GPR141: variants seen among roughly 807,000 people sequenced by gnomAD.
GPR141 encodes probable G protein-coupled receptor 141.
In GPR141, 6 loss-of-function variants were observed where a neutral mutation model predicts 6.8. The ratio of observed to expected loss-of-function variants is 0.88; its 90% CI spans 0.48 to 1.74. GPR141 has a LOEUF of 1.74. GPR141 is among the 40% of genes most tolerant of loss of function. GPR141 has a pLI of 0.01. For synonymous variants in GPR141, 140 were observed against 142.3 expected, an observed-to-expected ratio of 0.98 and a Z score of 0.11; for missense variants, 372 against 372.9, an observed-to-expected ratio of 1.00 and a Z score of 0.02.
chr7:37,705,799 T>C (rs546998155), intron 2 of GPR141, among the ~76,000 whole-genome samples: 1 of 152,278 alleles, frequency 6.6e-6, no homozygotes, highest in African/African-American at 2.4e-5. Flanking sequence ...TGTCACTATT[T>C]TGCAAAAGCT....
Position 37,741,324 on chromosome 7 carries a change from G to T in GPR141, c.*13G>T. On this transcript the variant is annotated 3_prime_UTR_variant, in exon 3 of 3. Transcript: ENST00000334425. ...TTTGTGCCGTTAGCCACAAACTACAGTATTCATATTTGCTTCCTTTATATT... is the reference window on the plus strand; with the variant it reads ...TTTGTGCCGTTAGCCACAAACTACATTATTCATATTTGCTTCCTTTATATT... 1 of 1,544,800 alleles carries T rather than the reference G, an allele frequency of 6.5e-7. No homozygotes were observed. The highest frequency in any genetic ancestry group is 8.8e-7 in the Non-Finnish European group (1 of 1,141,314).
chr7:37,725,260 C>T (rs550356944), intron 2 of GPR141, among the ~76,000 whole-genome samples: 2 of 152,200 alleles, frequency 1.3e-5, no homozygotes, highest in East Asian at 3.9e-4. Context: ...AGGGCTGGTT[C>T]CTTGTATTGA....
rs370663553 is a variant in GPR141 at position 37,697,667 on chromosome 7, G to C, written c.-15+12084G>C. Among the ~76,000 whole-genome samples the C allele has an allele frequency of 1.2e-4, 18 of 152,122 alleles. No individual in the cohort carries two copies. In the East Asian group the frequency reaches 3.1e-3, roughly 26 times the overall value. On this transcript the variant is annotated intron_variant, in intron 2 of 2. Transcript: ENST00000334425. ...AGTCTCAATGTACAAATGGCATTTG[G>C]ATAAACAACAAGAAAATTGACACTC...
chr7:37,696,766 G>A (rs1055673938), intron 2 of GPR141, among the ~76,000 whole-genome samples: 2 of 151,854 alleles, frequency 1.3e-5, no homozygotes, highest in Non-Finnish European at 2.9e-5. Context: ...TAAAATTTTG[G>A]CATGAGATGC....
rs756959720 is a variant in GPR141, at chr7:37,740,378, A to T, written c.-14-2A>T. 1 of 1,564,000 alleles carries T rather than the reference A, an allele frequency of 6.4e-7. No homozygotes were observed. Among genetic ancestry groups the T allele is most frequent in the Admixed American group, 1.8e-5 (1 of 56,214 alleles). On this transcript the variant is annotated splice_acceptor_variant, in intron 2 of 2. Coordinates refer to ENST00000334425, the MANE Select transcript of GPR141 (RefSeq NM_001381946.1). LOFTEE classifies it low-confidence loss of function (5UTR_SPLICE). Reference sequence around the variant, plus strand: ...GTTACTCTGGTGCTTTTTCTCCTCCAGGTGACTTCCCAAGTATGCCTGGCC... The same window carrying T: ...GTTACTCTGGTGCTTTTTCTCCTCCTGGTGACTTCCCAAGTATGCCTGGCC...
intron 2 of GPR141, among the ~76,000 whole-genome samples, chr7:37,709,511 T>G (rs1376955222): frequency 1.3e-5 from 2 of 152,202 alleles, no homozygotes; most frequent in Non-Finnish European, 2.9e-5. Flanking sequence ...AGAGCATGAT[T>G]GCTATTAGTG....
At chr7:37,734,153 A>G (rs1812121701) in intron 2 of GPR141, among the ~76,000 whole-genome samples, 1 of 152,232 alleles carries the variant, frequency 6.6e-6, no homozygotes, top group South Asian at 2.1e-4. Context: ...AGCCTGGGCA[A>G]CAGAACAAGA....
At chr7:37,721,391 C>CCTT (rs1455087636) in intron 2 of GPR141, among the ~76,000 whole-genome samples, 3 of 152,166 alleles carry the variant, frequency 2.0e-5, no homozygotes, top group Admixed American at 2.0e-4. Flanking sequence ...CATTATGCTA[C>CCTT]AATAGATGTG....
intron 2 of GPR141, among the ~76,000 whole-genome samples, chr7:37,721,172 T>A (rs1364143062): frequency 6.6e-6 from 1 of 152,076 alleles, no homozygotes; most frequent in Non-Finnish European, 1.5e-5. Flanking sequence ...ACAGCCTGGG[T>A]CTCCAATTTC....
chr7:37,693,501 T>C (rs1809877547), intron 2 of GPR141, among the ~76,000 whole-genome samples: 1 of 152,152 alleles, frequency 6.6e-6, no homozygotes, highest in African/African-American at 2.4e-5. Flanking sequence ...AGGAGTCACA[T>C]ACGGCTGTGT....
chr7:37,741,336 G>T lies in GPR141; in HGVS notation c.*25G>T. 1 of 1,504,644 alleles carries T rather than the reference G, an allele frequency of 6.6e-7. No individual in the cohort carries two copies. The highest frequency in any genetic ancestry group is 9.0e-7 in the Non-Finnish European group (1 of 1,112,386). The allele number at this position is 1,504,644 out of a possible 1,614,324, so 93.2% of individuals were successfully genotyped here. On this transcript the variant is annotated 3_prime_UTR_variant, in exon 3 of 3. Coordinates refer to ENST00000334425, the MANE Select transcript of GPR141 (RefSeq NM_001381946.1). ...GCCACAAACTACAGTATTCATATTT[G>T]CTTCCTTTATATTGGGAATAAAAAT...
chr7:37,712,887 G>C (rs1253835053), intron 2 of GPR141, among the ~76,000 whole-genome samples: 2 of 152,128 alleles, frequency 1.3e-5, no homozygotes, highest in African/African-American at 4.8e-5. Flanking sequence ...TTCCATGTCT[G>C]GTGTCTGCTG....
At chr7:37,703,732 G>A (rs1583535360) in intron 2 of GPR141, among the ~76,000 whole-genome samples, 2 of 152,264 alleles carry the variant, frequency 1.3e-5, no homozygotes, top group East Asian at 3.9e-4. Context: ...ATTGCAAGAT[G>A]AAATATGTGT....
chr7:37,733,610 T>G (rs1013057817), intron 2 of GPR141, among the ~76,000 whole-genome samples: 3 of 143,068 alleles, frequency 2.1e-5, no homozygotes, highest in Non-Finnish European at 3.0e-5. Flanking sequence ...AGGCGGAGGT[T>G]GCGGTGAGCC....
chr7:37,733,492 T>C (rs1470244856), intron 2 of GPR141, among the ~76,000 whole-genome samples: 1 of 151,662 alleles, frequency 6.6e-6, no homozygotes, highest in Non-Finnish European at 1.5e-5. Context: ...GACAAAATGG[T>C]GAAACTCCGT....
intron 2 of GPR141, among the ~76,000 whole-genome samples, chr7:37,691,133 G>C (rs576218320): frequency 1.3e-4 from 20 of 151,708 alleles, no homozygotes; most frequent in Admixed American, 5.9e-4. Context: ...AGTTACTCCT[G>C]CTCACGTTTG....
At chr7:37,719,975 C>A (rs1188696066) in intron 2 of GPR141, among the ~76,000 whole-genome samples, 3 of 152,122 alleles carry the variant, frequency 2.0e-5, no homozygotes, top group Admixed American at 6.5e-5. Flanking sequence ...GGGAAAGCAG[C>A]CCCCAGAGAG....
In GPR141 at chr7:37,739,702, T is replaced by G. The variant is rs76383136; in HGVS notation, c.-14-678T>G. Among the ~76,000 whole-genome samples the G allele has an allele frequency of 7.5e-3, 1,142 of 152,292 alleles. 3 individuals carry two copies. The highest frequency in any genetic ancestry group is 0.013 in the Non-Finnish European group (861 of 68,030). On this transcript the variant is annotated intron_variant, in intron 2 of 2. Transcript: ENST00000334425. ...AATGCCAGTGGCTCTGTCACGAATTTGCAAGGCCTTTGAGAGTAGGAGATG... is the reference window on the plus strand; with the variant it reads ...AATGCCAGTGGCTCTGTCACGAATTGGCAAGGCCTTTGAGAGTAGGAGATG...
chr7:37,697,326 A>G (rs1490749336), intron 2 of GPR141, among the ~76,000 whole-genome samples: 1 of 152,244 alleles, frequency 6.6e-6, no homozygotes, highest in African/African-American at 2.4e-5. Flanking sequence ...CATAAATGGA[A>G]AAAGAACATT....
Sources: allele counts gnomAD v4.1 joint callset (sites outside exome capture counted in the v4.1 genomes callset), GRCh38; gene constraint gnomAD v4.1.1; transcripts MANE v1.5; gene names NCBI Gene and HGNC (gene_info 2026-07-23, HGNC 2026-07-21).